WASF3: variants seen among roughly 807,000 people sequenced by gnomAD.
WASF3 encodes the protein WASP family member 3, also known as actin-binding protein WASF3.
A neutral mutation model predicts 46.6 loss-of-function variants in WASF3; 11 were observed. That is an observed-to-expected ratio of 0.24 (90% CI 0.15 to 0.39). The LOEUF (loss-of-function observed/expected upper bound fraction) is 0.39, where lower values mean the gene tolerates loss of function less well. Among genes scored for constraint, WASF3 ranks in the 10% least tolerant of loss-of-function variants. WASF3 has a pLI of 1.00. For missense variants in WASF3, 576 were observed against 669.8 expected, an observed-to-expected ratio of 0.86 and a Z score of 1.55; for synonymous variants, 242 against 259.7, an observed-to-expected ratio of 0.93 and a Z score of 0.65.
At chr13:26,624,847 CAA>C (rs1292339592) in intron 2 of WASF3, among the ~76,000 whole-genome samples, 4 of 152,006 alleles carry the variant, frequency 2.6e-5, no homozygotes, top group East Asian at 1.9e-4. Flanking sequence ...TTTAAAGTAT[CAA>C]GAGAAAAAGC....
At chr13:26,619,725 G>C (rs1881248045) in intron 2 of WASF3, among the ~76,000 whole-genome samples, 1 of 152,164 alleles carries the variant, frequency 6.6e-6, no homozygotes, top group Admixed American at 6.6e-5. Context: ...GATATAAAAG[G>C]AACCTTGGAA....
chr13:26,560,920 G>A (rs912239630), intron 1 of WASF3, among the ~76,000 whole-genome samples: 1 of 152,182 alleles, frequency 6.6e-6, no homozygotes, highest in African/African-American at 2.4e-5. Context: ...CCCAAGCTTA[G>A]GGACGTTCAG....
At chr13:26,608,694 G>A (rs773604517) in intron 1 of WASF3, among the ~76,000 whole-genome samples, 2 of 152,132 alleles carry the variant, frequency 1.3e-5, no homozygotes, top group African/African-American at 2.4e-5. Flanking sequence ...TGTAGCAATG[G>A]GGTATCGAAG....
Position 26,667,541 on chromosome 13 carries a change from A to G in WASF3, c.293A>G (p.Lys98Arg), listed in dbSNP as rs748113527. The change falls in exon 5 of 10, where the codon AAA becomes AGA. Residue 98 changes from lysine (K) to arginine (R), a missense_variant. Around this residue, in one of 3 missense-constraint regions of WASF3, gnomAD observed 213 missense variants for 278.0 expected, o/e 0.77. Transcript: ENST00000335327. ...EEVSLQDINM[K>R]KAFKSSTVQD... ...GTCTCACTACAGGATATCAACATGAAAAAAGCTTTCAAAAGTTCCACAGTC... is the reference window on the plus strand; with the variant it reads ...GTCTCACTACAGGATATCAACATGAGAAAAGCTTTCAAAAGTTCCACAGTC... 3 of 1,614,120 alleles carry G rather than the reference A, an allele frequency of 1.9e-6. No individual in the cohort carries two copies. Among genetic ancestry groups the G allele is most frequent in the African/African-American group, 1.3e-5 (1 of 75,044 alleles).
intron 1 of WASF3, among the ~76,000 whole-genome samples, chr13:26,603,580 C>G (rs776288979): frequency 1.3e-5 from 2 of 152,040 alleles, no homozygotes; most frequent in Non-Finnish European, 2.9e-5. Flanking sequence ...ATAATCTTGG[C>G]ATTTGGGAGG....
At chr13:26,658,846 C>A (rs574130164) in intron 3 of WASF3, among the ~76,000 whole-genome samples, 1 of 152,266 alleles carries the variant, frequency 6.6e-6, no homozygotes, top group African/African-American at 2.4e-5. Context: ...TTACAGAGCC[C>A]AGTCTACATC....
At chr13:26,665,776 C>G (rs1882752743) in intron 4 of WASF3, among the ~76,000 whole-genome samples, 1 of 152,162 alleles carries the variant, frequency 6.6e-6, no homozygotes, top group African/African-American at 2.4e-5. Flanking sequence ...TATCAACGAT[C>G]CCTTTTTTAA....
At chr13:26,651,991 G>A (rs1205130522) in intron 3 of WASF3, among the ~76,000 whole-genome samples, 2 of 152,114 alleles carry the variant, frequency 1.3e-5, no homozygotes, top group Non-Finnish European at 2.9e-5. Flanking sequence ...CAGAAGGCAA[G>A]AAAGGAAGAA....
chr13:26,598,520 C>T (rs1375582296), intron 1 of WASF3, among the ~76,000 whole-genome samples: 2 of 152,144 alleles, frequency 1.3e-5, no homozygotes, highest in Non-Finnish European at 2.9e-5. Flanking sequence ...GAATATCTAT[C>T]CCGGCAAAAG....
chr13:26,620,021 C>T (rs186771123), intron 2 of WASF3, among the ~76,000 whole-genome samples: 31 of 152,238 alleles, frequency 2.0e-4, no homozygotes, highest in African/African-American at 7.2e-4. Flanking sequence ...ATGTGGTGGG[C>T]AGAGCACCAG....
intron 1 of WASF3, among the ~76,000 whole-genome samples, chr13:26,585,207 C>T (rs1337439081): frequency 6.6e-6 from 1 of 151,070 alleles, no homozygotes; most frequent in East Asian, 1.9e-4. Context: ...GAAATACCAG[C>T]TATGGATAAA....
intron 1 of WASF3, among the ~76,000 whole-genome samples, chr13:26,590,538 T>C (rs2137182522): frequency 1.3e-5 from 2 of 152,076 alleles, no homozygotes; most frequent in Non-Finnish European, 2.9e-5. Context: ...CTCACAAAAG[T>C]AATCTGGATG....
intron 3 of WASF3, among the ~76,000 whole-genome samples, chr13:26,660,033 C>T (rs900956978): frequency 1.3e-5 from 2 of 151,906 alleles, no homozygotes; most frequent in African/African-American, 4.8e-5. Context: ...GCCATTAGAC[C>T]GGATGAGATG....
At chr13:26,657,654 A>C (rs1367177756) in intron 3 of WASF3, among the ~76,000 whole-genome samples, 1 of 152,240 alleles carries the variant, frequency 6.6e-6, no homozygotes, top group African/African-American at 2.4e-5. Flanking sequence ...ATAAGTCCAG[A>C]AGTGGAACCT....
Position 26,665,020 on chromosome 13 carries a change from T to C in WASF3, c.134-8T>C. 6.2e-7 allele frequency: 1 copy of C among 1,614,010 alleles called. No individual in the cohort carries two copies. The highest frequency in any genetic ancestry group is 8.5e-7 in the Non-Finnish European group (1 of 1,179,896). ...CAGATGGCCTTCTCCATTCATTTTA[T>C]TCTACAGGCAAACATGCTGAAGACA... On this transcript the variant is annotated splice_polypyrimidine_tract_variant and splice_region_variant and intron_variant, in intron 3 of 9. Coordinates refer to ENST00000335327, the MANE Select transcript of WASF3 (RefSeq NM_006646.6).
chr13:26,627,227 AAATT>A (rs1162969609), intron 2 of WASF3, among the ~76,000 whole-genome samples: 4 of 152,034 alleles, frequency 2.6e-5, no homozygotes, highest in Admixed American at 6.6e-5. Flanking sequence ...TGGTAATATA[AAATT>A]AATTAAAATT....
chr13:26,573,613 T>G (rs1879703548), intron 1 of WASF3, among the ~76,000 whole-genome samples: 1 of 152,172 alleles, frequency 6.6e-6, no homozygotes, highest in Non-Finnish European at 1.5e-5. Context: ...TTGTATAAAT[T>G]TTTAGGTGGA....
At chr13:26,647,667 T>C (rs1882189909) in intron 3 of WASF3, among the ~76,000 whole-genome samples, 1 of 152,102 alleles carries the variant, frequency 6.6e-6, no homozygotes, top group Non-Finnish European at 1.5e-5. Flanking sequence ...TTTTTTTTTC[T>C]TTGTTCTTGT....
intron 1 of WASF3, among the ~76,000 whole-genome samples, chr13:26,582,700 G>T (rs1365382772): frequency 2.1e-5 from 1 of 48,410 alleles, no homozygotes; most frequent in South Asian, 6.7e-4. Flanking sequence ...AAAAAAAAAA[G>T]CCTACCTCAC....
Sources: allele counts gnomAD v4.1 joint callset (sites outside exome capture counted in the v4.1 genomes callset), GRCh38; gene constraint gnomAD v4.1.1; regional missense constraint gnomAD v4.1.1; transcripts MANE v1.5; gene names NCBI Gene and HGNC (gene_info 2026-07-23, HGNC 2026-07-21).